AGMO: variants seen among roughly 807,000 people sequenced by gnomAD.
The protein encoded by AGMO is alkylglycerol monooxygenase.
AGMO carries 75 observed loss-of-function variants against 60.2 expected under a neutral mutation model. The ratio of observed to expected loss-of-function variants is 1.25; its 90% confidence interval spans 1.03 to 1.51. AGMO has a LOEUF of 1.51. AGMO is among the 40% of genes most tolerant of loss of function. AGMO has a pLI of 0.00. For missense variants in AGMO, 763 were observed against 525.5 expected (o/e 1.45, Z -4.42); for synonymous variants, 261 against 177.1 (o/e 1.47, Z -3.76).
chr7:15,385,107 A>G (rs1783861494), intron 10 of AGMO, among the ~76,000 whole-genome samples: 1 of 152,188 alleles, frequency 6.6e-6, no homozygotes, highest in South Asian at 2.1e-4. Flanking sequence ...GAAACTGATG[A>G]AAAGTGTAAT....
At chr7:15,269,556 G>A (rs1236925825) in intron 12 of AGMO, among the ~76,000 whole-genome samples, 1 of 152,004 alleles carries the variant, frequency 6.6e-6, no homozygotes, top group East Asian at 1.9e-4. Flanking sequence ...GTTATTGAGG[G>A]TAATAAGGTC....
intron 3 of AGMO, among the ~76,000 whole-genome samples, chr7:15,488,897 G>T (rs1246772234): frequency 1.6e-5 from 2 of 127,516 alleles, no homozygotes; most frequent in African/African-American, 5.0e-5. Flanking sequence ...AACAGAAGAA[G>T]ATGACAATAT....
intron 2 of AGMO, among the ~76,000 whole-genome samples, chr7:15,559,514 G>T (rs1456774980): frequency 6.6e-6 from 1 of 151,994 alleles, no homozygotes; most frequent in African/African-American, 2.4e-5. Flanking sequence ...AAGTGCCTGT[G>T]GCATGTGGAC....
chr7:15,170,482 A>G, the AGMO span, among the ~76,000 whole-genome samples: 1 of 152,214 alleles, frequency 6.6e-6, no homozygotes, highest in Admixed American at 6.5e-5. Flanking sequence ...ATGTCATTCT[A>G]GCTGTGCTGC....
chr7:15,269,680 G>A (rs35168221), intron 12 of AGMO, among the ~76,000 whole-genome samples: 53,905 of 151,940 alleles, frequency 0.35, 11,006 homozygotes, highest in East Asian at 0.49. Context: ...CATATTGATG[G>A]GGATTGGGCT....
At chr7:15,410,983 G>C (rs1397559881) in intron 5 of AGMO, among the ~76,000 whole-genome samples, 1 of 151,934 alleles carries the variant, frequency 6.6e-6, no homozygotes, top group Non-Finnish European at 1.5e-5. Flanking sequence ...TTGCTATTGT[G>C]ACAGATTTAA....
At chr7:15,378,650 C>G (rs561129605) in intron 10 of AGMO, among the ~76,000 whole-genome samples, 2 of 151,818 alleles carry the variant, frequency 1.3e-5, no homozygotes, top group African/African-American at 4.8e-5. Context: ...AGAGAATTAA[C>G]AAAGATATGC....
At chr7:15,243,624 T>C (rs551162059) in intron 12 of AGMO, among the ~76,000 whole-genome samples, 2 of 152,176 alleles carry the variant, frequency 1.3e-5, no homozygotes, top group African/African-American at 4.8e-5. Flanking sequence ...AATTAAGATT[T>C]AAATTGGATT....
intron 3 of AGMO, among the ~76,000 whole-genome samples, chr7:15,479,909 C>T (rs957028348): frequency 3.3e-5 from 5 of 151,916 alleles, no homozygotes; most frequent in African/African-American, 1.2e-4. Context: ...AGGATGTGCC[C>T]GTAGGAAGGA....
Position 15,387,522 on chromosome 7 carries a change from T to C in AGMO, c.841A>G (p.Ile281Val), listed in dbSNP as rs560020764. The C allele has an allele frequency of 3.5e-5, 57 of 1,611,638 alleles. No individual in the cohort carries two copies. The South Asian group carries it at 4.6e-4, about 13-fold the overall frequency. The stretch of plus-strand genomic sequence containing the variant: ...GGTGTGGCCCAGAATGTAGTCCATA[T>C]GGAAAATAAGTGATGGAACTAGAAA... ...IKVQFHHLFS[I>V]WTTFWATPGF... Residue 281 changes from isoleucine (I) to valine (V), a missense_variant, in exon 9 of 13, where the codon ATA becomes GTA. By Grantham distance (29) the Ile-to-Val change is conservative. Coordinates refer to ENST00000342526, the MANE Select transcript of AGMO (RefSeq NM_001004320.2).
intron 3 of AGMO, among the ~76,000 whole-genome samples, chr7:15,514,642 G>C (rs1309497360): frequency 1.3e-5 from 2 of 152,138 alleles, no homozygotes; most frequent in Non-Finnish European, 2.9e-5. Flanking sequence ...ATGAATATGT[G>C]AAAATGCATT....
At chr7:15,555,337 A>ACG (rs1785105480) in intron 2 of AGMO, among the ~76,000 whole-genome samples, 1 of 146,660 alleles carries the variant, frequency 6.8e-6, no homozygotes, top group Non-Finnish European at 1.5e-5. Flanking sequence ...ACACACACAC[A>ACG]TATGTAAAGA....
Position 15,390,918 on chromosome 7 carries a change from A to G in AGMO, c.677-13T>C. ...TAACGATTTCTGCCTATGAGACAAA[A>G]TATTAGAAATTTTTTTTCAGAAAAA... On this transcript the variant is annotated splice_polypyrimidine_tract_variant and intron_variant, in intron 6 of 12. Coordinates refer to ENST00000342526, the MANE Select transcript of AGMO (RefSeq NM_001004320.2). The G allele has an allele frequency of 6.5e-7, 1 of 1,547,170 alleles. No individual in the cohort carries two copies. The highest frequency in any genetic ancestry group is 8.8e-7 in the Non-Finnish European group (1 of 1,138,110).
At chr7:15,386,783 A>C (rs1224294948) in intron 9 of AGMO, among the ~76,000 whole-genome samples, 1 of 152,218 alleles carries the variant, frequency 6.6e-6, no homozygotes, top group African/African-American at 2.4e-5. Flanking sequence ...TATATTCTAA[A>C]TGATTAAAAA....
intron 6 of AGMO, among the ~76,000 whole-genome samples, chr7:15,392,073 T>G (rs1412545316): frequency 6.6e-6 from 1 of 151,766 alleles, no homozygotes; most frequent in East Asian, 1.9e-4. Context: ...TATTTTTTAA[T>G]TTAATTTTTT....
chr7:15,358,127 T>A (rs527565653), intron 12 of AGMO: 1 of 177,050 alleles, frequency 5.6e-6, no homozygotes, highest in East Asian at 1.7e-4. Flanking sequence ...TTGAAGTCAA[T>A]GAACATTTAA....
intron 3 of AGMO, among the ~76,000 whole-genome samples, chr7:15,541,801 T>C (rs1297776776): frequency 1.3e-5 from 2 of 152,164 alleles, no homozygotes; most frequent in Admixed American, 6.5e-5. Context: ...TTTAAATACA[T>C]GTAAAGACAA....
intron 12 of AGMO, among the ~76,000 whole-genome samples, chr7:15,281,878 G>C (rs1453699518): frequency 6.6e-6 from 1 of 152,128 alleles, no homozygotes; most frequent in African/African-American, 2.4e-5. Context: ...ACAGGAGACA[G>C]TGAATTTGCT....
chr7:15,385,410 A>G, intron 10 of AGMO, 36 bp downstream of exon 10: 1 of 1,289,372 alleles, frequency 7.8e-7, no homozygotes, highest in Non-Finnish European at 1.1e-6. Flanking sequence ...AGTAACAGAT[A>G]ATGTTCTCAC....
Sources: allele counts gnomAD v4.1 joint callset (sites outside exome capture counted in the v4.1 genomes callset), GRCh38; gene constraint gnomAD v4.1.1; transcripts MANE v1.5; gene names NCBI Gene and HGNC (gene_info 2026-07-23, HGNC 2026-07-21).